The following HSPA4L variants were observed in gnomAD, a reference collection of about 807,000 sequenced individuals.
HSPA4L encodes the protein heat shock protein family A (Hsp70) member 4 like.
In HSPA4L, 48 loss-of-function variants were observed where a neutral mutation model predicts 100.3. That is an observed-to-expected ratio of 0.48 (90% CI 0.38 to 0.61). The LOEUF is 0.61. Among genes scored for constraint, HSPA4L ranks in the 20% least tolerant of loss-of-function variants. The pLI is 0.00. For missense variants in HSPA4L, 886 were observed against 988.6 expected, an observed-to-expected ratio of 0.90 and a Z score of 1.39; for synonymous variants, 319 against 328.2, an observed-to-expected ratio of 0.97 and a Z score of 0.30.
intron 4 of HSPA4L, among the ~76,000 whole-genome samples, chr4:127,800,817 CTT>C (rs1286561847): frequency 6.6e-6 from 1 of 152,028 alleles, no homozygotes; most frequent in East Asian, 1.9e-4. Context: ...TTTTCAGACT[CTT>C]GAGTTTTCAG....
Position 127,782,360 on chromosome 4 carries a change from T to C in HSPA4L, c.-191T>C, listed in dbSNP as rs960299274. On this transcript the variant is annotated 5_prime_UTR_variant, in exon 1 of 19. Coordinates refer to ENST00000296464, the MANE Select transcript of HSPA4L (RefSeq NM_014278.4). ...CCAGGCTGCGGGACGCGGTGCAGGC[T>C]GCGGCGCTGACGGCCTCTGCTCCTT... 1.7e-6 allele frequency: 1 copy of C among 582,168 alleles called. No homozygotes were observed. The highest frequency in any genetic ancestry group is 1.9e-5 in the African/African-American group (1 of 52,874). The allele number at this position is 582,168 out of a possible 1,614,324, so 36.1% of individuals were successfully genotyped here.
At chr4:127,824,588 G>A (rs1462821304) in intron 16 of HSPA4L, among the ~76,000 whole-genome samples, 1 of 152,198 alleles carries the variant, frequency 6.6e-6, no homozygotes, top group Admixed American at 6.5e-5. Context: ...TTTAAGAAGT[G>A]ATAAGTATAT....
chr4:127,827,190 A>C (rs1733968999), intron 16 of HSPA4L, 115 bp from the exon 17 acceptor site: 2 of 776,018 alleles, frequency 2.6e-6, no homozygotes, highest in African/African-American at 3.5e-5. Context: ...ATAAGAGGGG[A>C]TATATTTTTA....
intron 11 of HSPA4L, among the ~76,000 whole-genome samples, chr4:127,811,179 CT>C (rs35272929): frequency 0.033 from 4,638 of 142,378 alleles, 91 homozygotes; most frequent in Non-Finnish European, 0.049. Context: ...ATTCCCAGTG[CT>C]TTTTTTTTTT....
intron 14 of HSPA4L, among the ~76,000 whole-genome samples, chr4:127,821,499 C>CT (rs1374245461): frequency 6.6e-6 from 1 of 152,028 alleles, no homozygotes; most frequent in Non-Finnish European, 1.5e-5. Flanking sequence ...TATTTCTTTG[C>CT]TTTTGTTCAT....
At chr4:127,809,648 G>C (rs1314037724) in intron 11 of HSPA4L, among the ~76,000 whole-genome samples, 2 of 152,184 alleles carry the variant, frequency 1.3e-5, no homozygotes, top group Non-Finnish European at 2.9e-5. Context: ...GATGATGAGA[G>C]CTGTGGAGGC....
At chr4:127,784,194 T>A (rs1732647944) in intron 1 of HSPA4L, among the ~76,000 whole-genome samples, 1 of 152,256 alleles carries the variant, frequency 6.6e-6, no homozygotes, top group Non-Finnish European at 1.5e-5. Context: ...GAGCAATCTT[T>A]GGCTTCATTG....
At chr4:127,802,185 ATTG>A (rs1730481192) in intron 6 of HSPA4L, among the ~76,000 whole-genome samples, 1 of 152,076 alleles carries the variant, frequency 6.6e-6, no homozygotes, top group Non-Finnish European at 1.5e-5. Context: ...AGCTATTTTT[ATTG>A]TTGTTTCTAT....
intron 2 of HSPA4L, among the ~76,000 whole-genome samples, chr4:127,794,636 C>T (rs1438531015): frequency 1.3e-5 from 2 of 152,004 alleles, no homozygotes; most frequent in Non-Finnish European, 2.9e-5. Context: ...ATGTTATAAA[C>T]TGATTTTCCT....
Position 127,784,922 on chromosome 4 carries a change from G to A in HSPA4L, c.107+2265G>A, listed in dbSNP as rs533643555. 2.1e-4 allele frequency among the ~76,000 whole-genome samples: 32 copies of A among 152,308 alleles called. No individual in the cohort carries two copies. The South Asian group carries it at 6.4e-3, about 31-fold the overall frequency. The stretch of plus-strand genomic sequence containing the variant: ...TTCCAATTGCTTACATCAAGGTAAT[G>A]TGACATATTTTCTAAGATGTGAATA... On this transcript the variant is annotated intron_variant, in intron 1 of 18. Transcript: ENST00000296464.
rs192655978 is a variant in HSPA4L, at chr4:127,798,794, A to G, written c.429+85A>G. The G allele has an allele frequency of 1.4e-5, 19 of 1,321,094 alleles. No homozygotes were observed. In the East Asian group the frequency reaches 2.7e-4, roughly 19 times the overall value. The allele number at this position is 1,321,094 out of a possible 1,614,324, so 81.8% of individuals were successfully genotyped here. A position where few individuals can be genotyped will look rare whatever the true frequency, so the allele number is the denominator to read the frequency against. On this transcript the variant is annotated intron_variant, in intron 4 of 18. Coordinates refer to ENST00000296464, the MANE Select transcript of HSPA4L (RefSeq NM_014278.4). ...TATTGAAAGATTTTTCTTCCCTTAC[A>G]CTTTCTGCCCTTATCCAGTAAATAA...
At chr4:127,797,074 G>A (rs570507907) in intron 3 of HSPA4L, among the ~76,000 whole-genome samples, 3 of 152,260 alleles carry the variant, frequency 2.0e-5, no homozygotes, top group African/African-American at 4.8e-5. Context: ...ATGATGAATC[G>A]TAGTAAGGAG....
At chr4:127,819,934 A>G (rs1733764983) in intron 13 of HSPA4L, among the ~76,000 whole-genome samples, 1 of 152,104 alleles carries the variant, frequency 6.6e-6, no homozygotes. Flanking sequence ...ACAATCATGT[A>G]TAAGTTTTGC....
chr4:127,819,034 TA>T (rs1161897583), intron 13 of HSPA4L, among the ~76,000 whole-genome samples: 1 of 152,148 alleles, frequency 6.6e-6, no homozygotes, highest in African/African-American at 2.4e-5. Flanking sequence ...ATCTTAACTT[TA>T]AGTGAAAAAA....
At chr4:127,825,926 CAAAAAAAAAAA>C (rs78623521) in intron 16 of HSPA4L, among the ~76,000 whole-genome samples, 3 of 57,232 alleles carry the variant, frequency 5.2e-5, no homozygotes, top group Non-Finnish European at 1.0e-4. Flanking sequence ...AACTCCATCT[CAAAAAAAAAAA>C]AAAAAAAGAA....
intron 11 of HSPA4L, chr4:127,809,383 A>G (rs1578706944): frequency 8.3e-7 from 1 of 1,211,540 alleles, no homozygotes; most frequent in Non-Finnish European, 1.2e-6. Context: ...GCTTTGCAGC[A>G]TGCTCATGCA....
At chr4:127,818,970 C>T (rs976669635) in intron 13 of HSPA4L, among the ~76,000 whole-genome samples, 1 of 151,704 alleles carries the variant, frequency 6.6e-6, no homozygotes, top group African/African-American at 2.4e-5. Context: ...CATTATTTCT[C>T]ATGTTTCACC....
At position 127,837,690 on chromosome 4, in the gene HSPA4L, T is replaced by C. The variant is rs925842595; in HGVS notation, c.*4816T>C. On this transcript the variant is annotated 3_prime_UTR_variant, in exon 19 of 19. Transcript: ENST00000296464. ...GCATATAATTTCTTTTGATAAAAAG[T>C]AACAAAAATTTAATGCAGATCAAAG... 3 of 152,156 alleles carry C rather than the reference T, an allele frequency of 2.0e-5. No homozygotes were observed. The highest frequency in any genetic ancestry group is 7.2e-5 in the African/African-American group (3 of 41,448). 9.4% of individuals were successfully genotyped at this position (152,156 alleles called of 1,614,324 possible). A position where few individuals can be genotyped will look rare whatever the true frequency, so the allele number is the denominator to read the frequency against.
intron 1 of HSPA4L, among the ~76,000 whole-genome samples, chr4:127,783,311 G>A (rs1732619525): frequency 6.6e-6 from 1 of 152,072 alleles, no homozygotes; most frequent in Non-Finnish European, 1.5e-5. Context: ...GAGAGCCTCG[G>A]GATGGGAGTC....
Sources: allele counts gnomAD v4.1 joint callset (sites outside exome capture counted in the v4.1 genomes callset), GRCh38; gene constraint gnomAD v4.1.1; transcripts MANE v1.5; gene names NCBI Gene and HGNC (gene_info 2026-07-23, HGNC 2026-07-21).